SEC14L3: variants seen among roughly 807,000 people sequenced by gnomAD.
The protein encoded by SEC14L3 is SEC14-like protein 3.
SEC14L3 carries 56 observed loss-of-function variants against 57.4 expected under a neutral mutation model. That is an observed-to-expected ratio of 0.97 (90% CI 0.79 to 1.22). SEC14L3 has a LOEUF of 1.22. Among genes scored for constraint, SEC14L3 ranks in the 50% most tolerant of loss-of-function variants. The probability of loss-of-function intolerance (pLI) is 0.00; values close to 1 mark genes in which losing one functional copy is unlikely to be tolerated. For synonymous variants in SEC14L3, 173 were observed against 194.4 expected, an observed-to-expected ratio of 0.89 and a Z score of 0.92; for missense variants, 485 against 511.7, an observed-to-expected ratio of 0.95 and a Z score of 0.50.
At chr22:30,471,870 T>A in intron 1 of SEC14L3, 35 bp downstream of exon 1, 1 of 1,613,180 alleles carries the variant, frequency 6.2e-7, no homozygotes, top group Non-Finnish European at 8.5e-7. Flanking sequence ...CCCTTTCCCC[T>A]GGTCTTCCGG....
At position 30,461,674 on chromosome 22, in the gene SEC14L3, G is replaced by T. The variant is rs747173584; in HGVS notation, c.792C>A (p.Ile264=). The change falls in exon 10 of 12, where the codon ATC becomes ATA. Residue 264 remains isoleucine, a synonymous_variant. Transcript: ENST00000215812. ...GGTCCCGCACGTACATGGACTTGGGGATCTCCCCGCCATAGTTAATCTGCG... is the reference window on the plus strand; with the variant it reads ...GGTCCCGCACGTACATGGACTTGGGTATCTCCCCGCCATAGTTAATCTGCG... ...CLTKINYGGE[I]PKSMYVRDQV... is the part of the protein sequence containing the mutation. 2 of 1,601,138 alleles carry T rather than the reference G, an allele frequency of 1.2e-6. No individual in the cohort carries two copies. Among genetic ancestry groups the T allele is most frequent in the Non-Finnish European group, 1.7e-6 (2 of 1,171,186 alleles).
At chr22:30,453,398 T>C (rs1935023598) in intron 12 of SEC14L3, among the ~76,000 whole-genome samples, 1 of 152,184 alleles carries the variant, frequency 6.6e-6, no homozygotes, top group Non-Finnish European at 1.5e-5. Flanking sequence ...GACACCTCAT[T>C]GCCACAGCCT....
At chr22:30,463,662 G>A (rs1329279719) in intron 8 of SEC14L3, among the ~76,000 whole-genome samples, 86 of 152,260 alleles carry the variant, frequency 5.6e-4, no homozygotes, top group Non-Finnish European at 1.5e-4. Flanking sequence ...CTCACCCCTG[G>A]ATCCTCAGTT....
At position 30,472,006 on chromosome 22, in the gene SEC14L3, C is replaced by T; in HGVS notation, c.-48G>A. 2.0e-6 allele frequency: 3 copies of T among 1,536,332 alleles called. No individual in the cohort carries two copies. The highest frequency in any genetic ancestry group is 2.6e-6 in the Non-Finnish European group (3 of 1,142,066). On this transcript the variant is annotated 5_prime_UTR_variant, in exon 1 of 12. Coordinates refer to ENST00000215812, the MANE Select transcript of SEC14L3 (RefSeq NM_174975.5). ...GTGGTGGCCACTATAGGCAAGAGGC[C>T]AAGCCTAGTTTGTCAGCCCTGACCC...
intron 8 of SEC14L3, among the ~76,000 whole-genome samples, chr22:30,462,501 G>C (rs987517229): frequency 1.3e-5 from 2 of 152,074 alleles, no homozygotes; most frequent in African/African-American, 4.8e-5. Context: ...CGACTTCCTG[G>C]GCTCAAGTGA....
intron 12 of SEC14L3, chr22:30,449,357 T>C: frequency 7.3e-7 from 1 of 1,369,994 alleles, no homozygotes; most frequent in Non-Finnish European, 9.8e-7. Context: ...TTTTATAAAA[T>C]AGGATTCTAT....
chr22:30,452,059 A>G (rs1197764312), intron 12 of SEC14L3, among the ~76,000 whole-genome samples: 2 of 150,962 alleles, frequency 1.3e-5, no homozygotes, highest in Non-Finnish European at 2.9e-5. Context: ...GAAAAGAAAA[A>G]TCCGGCTGGA....
intron 12 of SEC14L3, chr22:30,449,393 T>C (rs1441205260): frequency 2.5e-6 from 3 of 1,205,188 alleles, no homozygotes; most frequent in Non-Finnish European, 2.3e-6. Flanking sequence ...AGAATGACAT[T>C]ATACAATAAC....
At chr22:30,448,912 C>A (rs1934928779) in exon 13 of SEC14L3, 2 of 608,932 alleles carry the variant, frequency 3.3e-6, no homozygotes, top group Non-Finnish European at 2.8e-6. Context: ...ACAAACAAAC[C>A]TCCAAAACTT....
chr22:30,465,257 A>G (rs775336794), intron 7 of SEC14L3, among the ~76,000 whole-genome samples: 2 of 152,216 alleles, frequency 1.3e-5, no homozygotes, highest in African/African-American at 2.4e-5. Flanking sequence ...AAATAGTCAA[A>G]CAATTTAACT....
At position 30,459,650 on chromosome 22, in the gene SEC14L3, T is replaced by G; in HGVS notation, c.*371A>C. 1 of 1,008,994 alleles carries G rather than the reference T, an allele frequency of 9.9e-7. No individual in the cohort carries two copies. The highest frequency in any genetic ancestry group is 1.2e-6 in the Non-Finnish European group (1 of 842,942). 62.5% of individuals were successfully genotyped at this position (1,008,994 alleles called of 1,614,324 possible). A position where few individuals can be genotyped will look rare whatever the true frequency, so the allele number is the denominator to read the frequency against. ...TATAGGGAGTGGAAGTAAAAAGGAT[T>G]TAGATATGTCTCCAACCCAAGTTGC... On this transcript the variant is annotated 3_prime_UTR_variant, in exon 12 of 12. Transcript: ENST00000215812.
rs1935442343 is a variant in SEC14L3, at chr22:30,467,087, TG to T, written c.424-11del. On this transcript the variant is annotated splice_polypyrimidine_tract_variant and intron_variant, in intron 5 of 11. Coordinates refer to ENST00000215812, the MANE Select transcript of SEC14L3 (RefSeq NM_174975.5). ...CAATCTTCTTCCCTAGCTGCAAGGA[TG>T]AGAGCAAGAAGTAGTTCTGGAGTTC... is the stretch of plus-strand genomic sequence containing the variant. 1 of 1,612,438 alleles carries T rather than the reference TG, an allele frequency of 6.2e-7. No homozygotes were observed. The highest frequency in any genetic ancestry group is 2.2e-5 in the East Asian group (1 of 44,890).
Position 30,459,501 on chromosome 22 carries a change from G to A in SEC14L3, c.*520C>T, listed in dbSNP as rs563172302. Reference sequence around the variant, plus strand: ...CCAACCCCACCACACATCTGCTCCTGTCCAAGGTGCTGAAATCCACCCCAC... The same window carrying A: ...CCAACCCCACCACACATCTGCTCCTATCCAAGGTGCTGAAATCCACCCCAC... On this transcript the variant is annotated 3_prime_UTR_variant, in exon 12 of 12. Coordinates refer to ENST00000215812, the MANE Select transcript of SEC14L3 (RefSeq NM_174975.5). 1.0e-6 allele frequency: 1 copy of A among 985,904 alleles called. No homozygotes were observed. The highest frequency in any genetic ancestry group is 4.7e-5 in the South Asian group (1 of 21,310). The allele number at this position is 985,904 out of a possible 1,614,324, so 61.1% of individuals were successfully genotyped here.
chr22:30,459,612 AG>A lies in SEC14L3; in HGVS notation c.*408del. The A allele has an allele frequency of 1.0e-5, 10 of 993,700 alleles. No individual in the cohort carries two copies. Among genetic ancestry groups the A allele is most frequent in the Non-Finnish European group, 1.2e-5 (10 of 834,128 alleles). The allele number at this position is 993,700 out of a possible 1,614,324, so 61.6% of individuals were successfully genotyped here. The stretch of plus-strand genomic sequence containing the variant: ...CATTCAATGCCACAAATATACACTG[AG>A]CATCTACTATATATAGGGAGTGGAA... On this transcript the variant is annotated 3_prime_UTR_variant, in exon 12 of 12. Coordinates refer to ENST00000215812, the MANE Select transcript of SEC14L3 (RefSeq NM_174975.5).
At chr22:30,451,202 G>A (rs1325898774) in intron 12 of SEC14L3, among the ~76,000 whole-genome samples, 1 of 152,222 alleles carries the variant, frequency 6.6e-6, no homozygotes, top group African/African-American at 2.4e-5. Flanking sequence ...TGTGTGGGCA[G>A]ATGAACGCCA....
chr22:30,450,897 G>C (rs1410856265), intron 12 of SEC14L3, among the ~76,000 whole-genome samples: 1 of 152,260 alleles, frequency 6.6e-6, no homozygotes, highest in African/African-American at 2.4e-5. Flanking sequence ...GTCCAGAGAG[G>C]CCAAGTGACC....
intron 11 of SEC14L3, among the ~76,000 whole-genome samples, chr22:30,460,437 G>A (rs1341535185): frequency 2.0e-5 from 3 of 152,202 alleles, no homozygotes; most frequent in Non-Finnish European, 4.4e-5. Flanking sequence ...GGGCTGTGAA[G>A]GCACATGGTT....
chr22:30,456,907 G>A (rs139943353), downstream of SEC14L3, among the ~76,000 whole-genome samples: 434 of 152,312 alleles, frequency 2.8e-3, 1 homozygote, highest in Middle Eastern at 0.014. Context: ...GGGCATCAGC[G>A]GATGCTGATG....
intron 1 of SEC14L3, chr22:30,471,240 G>A (rs933615865): frequency 6.7e-6 from 3 of 447,726 alleles, no homozygotes; most frequent in South Asian, 3.2e-5. Flanking sequence ...AGCTGAGATC[G>A]CTCCACAGCA....
Sources: gnomAD v4.1 joint callset for allele counts (sites outside exome capture counted in the v4.1 genomes callset) on GRCh38, gnomAD v4.1.1 for gene constraint, MANE v1.5 for transcripts, NCBI Gene and HGNC (gene_info 2026-07-23, HGNC 2026-07-21) for gene names.